The following FOCAD variants were observed in gnomAD, a reference collection of about 807,000 sequenced individuals.
The protein encoded by FOCAD is KIAA1797.
Under a neutral mutation model 225.6 loss-of-function variants are expected in FOCAD, and 198 were observed. The ratio of observed to expected loss-of-function variants is 0.88; its 90% CI spans 0.78 to 0.99. The LOEUF (loss-of-function observed/expected upper bound fraction) is 0.99. FOCAD is among the 50% of genes least tolerant of loss of function. The probability of loss-of-function intolerance (pLI) is 0.00; values close to 1 mark genes in which losing one functional copy is unlikely to be tolerated. For synonymous variants in FOCAD, 897 were observed against 755.0 expected, an observed-to-expected ratio of 1.19 and a Z score of -3.08; for missense variants, 2,713 against 2,123.6, an observed-to-expected ratio of 1.28 and a Z score of -5.46.
Position 20,986,283 on chromosome 9 carries a change from T to TTTTTTTTTTTTTTTTTTTG in FOCAD, c.4729-5_4729-4insTTTTTTTTTTTTTTTTTTG. 6 of 1,476,882 alleles carry TTTTTTTTTTTTTTTTTTTG rather than the reference T, an allele frequency of 4.1e-6. No homozygotes were observed. Among genetic ancestry groups the TTTTTTTTTTTTTTTTTTTG allele is most frequent in the Non-Finnish European group, 5.4e-6 (6 of 1,113,548 alleles). The allele number at this position is 1,476,882 out of a possible 1,614,324, so 91.5% of individuals were successfully genotyped here. ...ACTAAACAATTTTTTTTTTTTTTTT[T>TTTTTTTTTTTTTTTTTTTG]GCAGAGCAACATAGAAAAAGCTGCC... On this transcript the variant is annotated splice_polypyrimidine_tract_variant and splice_region_variant and intron_variant, in intron 39 of 43. Coordinates refer to ENST00000338382, the MANE Select transcript of FOCAD (RefSeq NM_001375567.1).
At chr9:20,774,230 TG>T (rs1347751312) in intron 8 of FOCAD, among the ~76,000 whole-genome samples, 1 of 152,210 alleles carries the variant, frequency 6.6e-6, no homozygotes, top group African/African-American at 2.4e-5. Flanking sequence ...TGTGTTTCTC[TG>T]TTCAAAGGTA....
chr9:20,673,203 A>G (rs768593079), intron 2 of FOCAD, among the ~76,000 whole-genome samples: 13 of 152,184 alleles, frequency 8.5e-5, no homozygotes, highest in African/African-American at 2.6e-4. Flanking sequence ...CTATTTTTTG[A>G]CTATTACAAA....
chr9:20,987,210 C>G (rs1841260793), intron 40 of FOCAD, among the ~76,000 whole-genome samples: 1 of 152,102 alleles, frequency 6.6e-6, no homozygotes, highest in African/African-American at 2.4e-5. Context: ...TTAGGAAAAA[C>G]TGACAAACAC....
chr9:20,732,881 A>G (rs1182903844), intron 4 of FOCAD, among the ~76,000 whole-genome samples: 1 of 152,130 alleles, frequency 6.6e-6, no homozygotes, highest in Non-Finnish European at 1.5e-5. Flanking sequence ...GGCTTTCTCT[A>G]CATTTAGATA....
intron 5 of FOCAD, among the ~76,000 whole-genome samples, chr9:20,749,357 G>A (rs541367778): frequency 2.0e-5 from 3 of 152,224 alleles, no homozygotes; most frequent in African/African-American, 7.2e-5. Context: ...GAGCTTATGT[G>A]GGAAGGATAA....
At chr9:20,845,141 C>T (rs34220062) in intron 15 of FOCAD, among the ~76,000 whole-genome samples, 1 of 152,000 alleles carries the variant, frequency 6.6e-6, no homozygotes, top group African/African-American at 2.4e-5. Context: ...CCCTCCCTCA[C>T]TGACTCAATC....
Position 20,822,971 on chromosome 9 carries a change from A to G in FOCAD, c.1794-18A>G. The G allele has an allele frequency of 6.4e-7, 1 of 1,562,664 alleles. No individual in the cohort carries two copies. Among genetic ancestry groups the G allele is most frequent in the South Asian group, 1.2e-5 (1 of 83,184 alleles). On this transcript the variant is annotated intron_variant, in intron 14 of 43. Transcript: ENST00000338382. ...CACTTTAGCATTAATTTTGCTTTTAAACTTTCATTTCTTGTAGGCCATATC... is the reference window on the plus strand; with the variant it reads ...CACTTTAGCATTAATTTTGCTTTTAGACTTTCATTTCTTGTAGGCCATATC...
In FOCAD at chr9:20,713,499, C is replaced by T. The variant is rs556251925; in HGVS notation, c.-32-1823C>T. ...AGTGTGCACTTCTCCCATTTCTCAT[C>T]TCCTTTATTCTGCTTCACTTTTTTT... On this transcript the variant is annotated intron_variant, in intron 1 of 43. Transcript: ENST00000338382. Among the ~76,000 whole-genome samples the T allele has an allele frequency of 5.3e-5, 8 of 152,316 alleles. No homozygotes were observed. The South Asian group carries it at 1.7e-3, about 32-fold the overall frequency.
intron 2 of FOCAD, among the ~76,000 whole-genome samples, chr9:20,663,700 A>G (rs555690407): frequency 1.3e-5 from 2 of 152,308 alleles, no homozygotes; most frequent in South Asian, 4.1e-4. Context: ...TGAGGAAAAC[A>G]ATACGTAACC....
chr9:20,885,058 TA>T (rs918739916), intron 20 of FOCAD, 50 bp from the exon 21 acceptor site: 5 of 1,124,912 alleles, frequency 4.4e-6, no homozygotes, highest in Non-Finnish European at 4.5e-6. Context: ...GATTCTGTCT[TA>T]AAAAAATAAA....
chr9:20,986,147 G>A (rs1258158397), intron 39 of FOCAD, 141 bp from the exon 40 acceptor site: 2 of 708,418 alleles, frequency 2.8e-6, no homozygotes, highest in Non-Finnish European at 4.3e-6. Context: ...TAGCACACAG[G>A]CAGATGGGTC....
chr9:20,930,700 G>T (rs540208157), intron 27 of FOCAD, among the ~76,000 whole-genome samples: 6 of 152,184 alleles, frequency 3.9e-5, no homozygotes, highest in Admixed American at 6.5e-5. Context: ...ACATCTGTCA[G>T]ATGATTGGGA....
chr9:20,797,627 T>C (rs1821273071), intron 11 of FOCAD, among the ~76,000 whole-genome samples: 1 of 152,150 alleles, frequency 6.6e-6, no homozygotes, highest in Admixed American at 6.5e-5. Context: ...TTGTTATTGA[T>C]GTATAAGAAT....
chr9:20,973,199 C>T (rs950017512), intron 35 of FOCAD, among the ~76,000 whole-genome samples: 1 of 148,662 alleles, frequency 6.7e-6, no homozygotes, highest in South Asian at 2.1e-4. Flanking sequence ...CTGACTTTGC[C>T]TTATTCTGGT....
intron 7 of FOCAD, 140 bp downstream of exon 7, chr9:20,765,213 G>A: frequency 1.5e-6 from 1 of 650,260 alleles, no homozygotes. Flanking sequence ...ACAATCTTTT[G>A]GGGAAGATGA....
chr9:20,715,348 G>A lies in FOCAD; in HGVS notation c.-6G>A, dbSNP rs1008784947. ...AGCTGCACACATACATGTAAGAGAAGCAAAAATGTCAGATGATATCAGGAA... is the reference window on the plus strand; with the variant it reads ...AGCTGCACACATACATGTAAGAGAAACAAAAATGTCAGATGATATCAGGAA... On this transcript the variant is annotated 5_prime_UTR_variant, in exon 2 of 44. Coordinates refer to ENST00000338382, the MANE Select transcript of FOCAD (RefSeq NM_001375567.1). 3 of 1,514,030 alleles carry A rather than the reference G, an allele frequency of 2.0e-6. No individual in the cohort carries two copies. The highest frequency in any genetic ancestry group is 2.7e-6 in the Non-Finnish European group (3 of 1,123,230). The allele number at this position is 1,514,030 out of a possible 1,614,324, so 93.8% of individuals were successfully genotyped here.
Position 20,758,146 on chromosome 9 carries a change from T to C in FOCAD, c.449T>C (p.Val150Ala), listed in dbSNP as rs751619473. 1 of 1,612,374 alleles carries C rather than the reference T, an allele frequency of 6.2e-7. No individual in the cohort carries two copies. Among genetic ancestry groups the C allele is most frequent in the Non-Finnish European group, 8.5e-7 (1 of 1,179,354 alleles). ...VLEHRPDCWP[V>A]FLQQLTAFFQ... ...GAACACAGACCTGATTGCTGGCCAG[T>C]GTTTTTGCAGCAGCTGACAGCGTTT... Residue 150 changes from valine (V) to alanine (A), a missense_variant, in exon 6 of 44, where the codon GTG (valine) becomes GCG (alanine). Transcript: ENST00000338382.
intron 23 of FOCAD, among the ~76,000 whole-genome samples, chr9:20,915,864 TCATTTGTAAATATTC>T (rs1833825979): frequency 6.6e-6 from 1 of 152,194 alleles, no homozygotes. Flanking sequence ...ACATAGGTCA[TCATTTGTAAATATTC>T]CACACTGACC....
chr9:20,822,024 G>T (rs1018701768), intron 14 of FOCAD, among the ~76,000 whole-genome samples: 1 of 115,350 alleles, frequency 8.7e-6, no homozygotes, highest in African/African-American at 3.4e-5. Context: ...AAAAAAAAAA[G>T]GAGTTACATG....
Sources: allele counts gnomAD v4.1 joint callset (sites outside exome capture counted in the v4.1 genomes callset), GRCh38; gene constraint gnomAD v4.1.1; transcripts MANE v1.5; gene names NCBI Gene and HGNC (gene_info 2026-07-23, HGNC 2026-07-21).